Variants in CACNA1C observed in about 807,000 individuals in gnomAD.
The protein encoded by CACNA1C is calcium voltage-gated channel subunit alpha1 C.
Under a neutral mutation model 229.0 loss-of-function variants are expected in CACNA1C, and 30 were observed. The observed-to-expected ratio is 0.13, with a 90% CI of 0.10 to 0.18. CACNA1C has a LOEUF of 0.18. Ranked by LOEUF, CACNA1C falls within the 10% of genes least tolerant of loss-of-function variation. The pLI is 1.00. For synonymous variants in CACNA1C, 1,114 were observed against 1,132.5 expected, an observed-to-expected ratio of 0.98 and a Z score of 0.33; for missense variants, 1,658 against 2,845.0, an observed-to-expected ratio of 0.58 and a Z score of 9.49.
chr12:2,140,937 A>G (rs778738209), intron 3 of CACNA1C, among the ~76,000 whole-genome samples: 6 of 151,188 alleles, frequency 4.0e-5, no homozygotes, highest in Non-Finnish European at 8.9e-5. Flanking sequence ...AGTAAAGGAG[A>G]TAATGAGATG....
intron 3 of CACNA1C, among the ~76,000 whole-genome samples, chr12:2,251,921 G>A (rs965196330): frequency 2.0e-5 from 3 of 152,220 alleles, no homozygotes; most frequent in African/African-American, 7.2e-5. Flanking sequence ...AATGAAACCT[G>A]TTTCTTACTG....
intron 3 of CACNA1C, among the ~76,000 whole-genome samples, chr12:2,250,396 C>T (rs1028910740): frequency 2.0e-5 from 3 of 152,352 alleles, no homozygotes; most frequent in East Asian, 3.9e-4. Context: ...GGCCAAGACC[C>T]TCTCTCCATC....
At chr12:2,423,974 T>TGGCTGAATGGACAA (rs1225315061) in intron 3 of CACNA1C, among the ~76,000 whole-genome samples, 1 of 152,146 alleles carries the variant, frequency 6.6e-6, no homozygotes, top group African/African-American at 2.4e-5. Flanking sequence ...GACAAGCTCG[T>TGGCTGAATGGACAA]GCTCCCTCCC....
intron 3 of CACNA1C, among the ~76,000 whole-genome samples, chr12:2,421,124 A>C (rs1051853148): frequency 1.3e-5 from 2 of 152,192 alleles, no homozygotes; most frequent in African/African-American, 4.8e-5. Flanking sequence ...CATACTTCCA[A>C]CCCAAACGTG....
At chr12:2,055,858 C>T (rs976503771) in intron 1 of CACNA1C, among the ~76,000 whole-genome samples, 4 of 152,044 alleles carry the variant, frequency 2.6e-5, no homozygotes, top group Non-Finnish European at 5.9e-5. Context: ...TTGGCATTGC[C>T]GAGGTTGTTG....
intron 3 of CACNA1C, among the ~76,000 whole-genome samples, chr12:2,298,239 A>G (rs1224221453): frequency 6.6e-6 from 1 of 152,228 alleles, no homozygotes; most frequent in Non-Finnish European, 1.5e-5. Flanking sequence ...TTCTTTCACA[A>G]GGAACACAAT....
rs566322986 is a variant in CACNA1C at position 2,223,141 on chromosome 12, T to C, written c.477+102711T>C. ...ATCCTACTTGGCTCTGCAAGACTCA[T>C]AGCATACTGGACAATGTTGTCTGCA... is the stretch of plus-strand genomic sequence containing the variant. On this transcript the variant is annotated intron_variant, in intron 3 of 46. Coordinates refer to ENST00000399655, the MANE Select transcript of CACNA1C (RefSeq NM_000719.7). Among the ~76,000 whole-genome samples, 307 of 152,328 alleles carry C rather than the reference T, an allele frequency of 2.0e-3. 1 individual carries two copies. Among genetic ancestry groups the C allele is most frequent in the African/African-American group, 7.1e-3 (296 of 41,568 alleles).
intron 3 of CACNA1C, among the ~76,000 whole-genome samples, chr12:2,204,492 A>C (rs566288363): frequency 1.3e-4 from 19 of 151,222 alleles, no homozygotes; most frequent in East Asian, 5.8e-4. Context: ...ACACATGCAC[A>C]CGTATGTTTA....
intron 3 of CACNA1C, among the ~76,000 whole-genome samples, chr12:2,222,892 C>T (rs1282835269): frequency 1.3e-5 from 2 of 152,136 alleles, no homozygotes; most frequent in Non-Finnish European, 2.9e-5. Flanking sequence ...TGGAAATGAA[C>T]CTGCAAAGGA....
chr12:2,468,914 C>T (rs1411228667), intron 5 of CACNA1C, among the ~76,000 whole-genome samples: 1 of 152,254 alleles, frequency 6.6e-6, no homozygotes, highest in Non-Finnish European at 1.5e-5. Flanking sequence ...CTGCCGTGCT[C>T]ACCTTTCACC....
intron 5 of CACNA1C, among the ~76,000 whole-genome samples, chr12:2,477,307 G>A (rs1469560885): frequency 6.6e-6 from 1 of 152,176 alleles, no homozygotes; most frequent in Non-Finnish European, 1.5e-5. Flanking sequence ...GGAAGATGAG[G>A]ACCCAGAGTT....
intron 3 of CACNA1C, among the ~76,000 whole-genome samples, chr12:2,423,516 T>C (rs2098998521): frequency 1.3e-5 from 2 of 152,170 alleles, no homozygotes; most frequent in Non-Finnish European, 2.9e-5. Flanking sequence ...AATGAAACGA[T>C]TCATGCAAGC....
chr12:2,547,944 C>T (rs909157595), intron 9 of CACNA1C, among the ~76,000 whole-genome samples: 79 of 152,334 alleles, frequency 5.2e-4, no homozygotes, highest in African/African-American at 1.7e-3. Context: ...ACCACCTCCA[C>T]AGCACTGTAC....
At chr12:2,078,932 T>C (rs1595247930) in intron 1 of CACNA1C, among the ~76,000 whole-genome samples, 1 of 152,080 alleles carries the variant, frequency 6.6e-6, no homozygotes, top group African/African-American at 2.4e-5. Flanking sequence ...ATATACACCA[T>C]GGAATACTAT....
At position 2,653,492 on chromosome 12, in the gene CACNA1C, G is replaced by T. The variant is rs2095226326; in HGVS notation, c.4075-343G>T. ...TCCTCCACAGGTAACCACAGTCAGC[G>T]GGGTGCTGTCCTCCACGATTTCTCC... On this transcript the variant is annotated intron_variant, in intron 32 of 46. Coordinates refer to ENST00000399655, the MANE Select transcript of CACNA1C (RefSeq NM_000719.7). The surrounding 1 kb of genome is among the most constrained non-coding windows in gnomAD (Gnocchi z 4.7). Among the ~76,000 whole-genome samples, 1 of 152,198 alleles carries T rather than the reference G, an allele frequency of 6.6e-6. No homozygotes were observed. Among genetic ancestry groups the T allele is most frequent in the African/African-American group, 2.4e-5 (1 of 41,436 alleles).
At chr12:2,446,161 G>GTGGA (rs149447474) in intron 3 of CACNA1C, among the ~76,000 whole-genome samples, 3 of 150,830 alleles carry the variant, frequency 2.0e-5, no homozygotes, top group East Asian at 2.0e-4. Context: ...AGGTAGGTAG[G>GTGGA]TGGATGGATG....
chr12:2,165,367 A>G (rs1372861210), intron 3 of CACNA1C, among the ~76,000 whole-genome samples: 1 of 152,264 alleles, frequency 6.6e-6, no homozygotes, highest in Non-Finnish European at 1.5e-5. Context: ...CAACAGACAC[A>G]CTGTGGTACT....
At chr12:2,341,223 G>C (rs2096852925) in intron 3 of CACNA1C, among the ~76,000 whole-genome samples, 1 of 152,222 alleles carries the variant, frequency 6.6e-6, no homozygotes, top group African/African-American at 2.4e-5. Flanking sequence ...CATCCTGGCT[G>C]TGTGACTGGC....
chr12:2,397,197 C>G (rs1264296539), intron 3 of CACNA1C, among the ~76,000 whole-genome samples: 1 of 152,250 alleles, frequency 6.6e-6, no homozygotes, highest in African/African-American at 2.4e-5. Context: ...CACTTGCTTC[C>G]ACACTTAAAC....
Sources: gnomAD v4.1 joint callset for allele counts (sites outside exome capture counted in the v4.1 genomes callset) on GRCh38, gnomAD v4.1.1 for gene constraint, Gnocchi (gnomAD v3.1) non-coding constraint, MANE v1.5 for transcripts, NCBI Gene and HGNC (gene_info 2026-07-23, HGNC 2026-07-21) for gene names.